Variants in AOPEP observed in about 807,000 individuals in gnomAD.
AOPEP encodes the protein aminopeptidase O.
A neutral mutation model predicts 98.1 loss-of-function variants in AOPEP; 77 were observed. The observed-to-expected ratio is 0.78, with a 90% CI of 0.65 to 0.95. AOPEP has a LOEUF of 0.95. Among genes scored for constraint, AOPEP ranks in the 40% least tolerant of loss-of-function variants. AOPEP has a pLI of 0.00. For missense variants in AOPEP, 1,024 were observed against 1,024.7 expected, an observed-to-expected ratio of 1.00 and a Z score of 0.01; for synonymous variants, 346 against 365.3, an observed-to-expected ratio of 0.95 and a Z score of 0.60.
In AOPEP at chr9:94,980,110, C is replaced by A. The variant is rs2060090348; in HGVS notation, c.1977+683C>A. 6.6e-6 allele frequency among the ~76,000 whole-genome samples: 1 copy of A among 152,242 alleles called. No homozygotes were observed. Among genetic ancestry groups the A allele is most frequent in the African/African-American group, 2.4e-5 (1 of 41,460 alleles). ...GCCAGCCCTAGCTCTGTGGAAATCA[C>A]CTGGCCTGGAGCTCCTCTCCCCGTC... On this transcript the variant is annotated intron_variant, in intron 11 of 16. Transcript: ENST00000375315. The surrounding 1 kb of genome is among the most constrained non-coding windows in gnomAD (Gnocchi z 4.3).
chr9:95,086,175 C>G, intron 16 of AOPEP: 5 of 1,323,860 alleles, frequency 3.8e-6, no homozygotes, highest in Non-Finnish European at 5.0e-6. Flanking sequence ...GACAGGCCCG[C>G]GTCCACCCTG....
chr9:94,959,353 C>A (rs775806400), intron 9 of AOPEP, among the ~76,000 whole-genome samples: 1 of 152,074 alleles, frequency 6.6e-6, no homozygotes, highest in Non-Finnish European at 1.5e-5. Flanking sequence ...TATGTTGTGA[C>A]GATTACAGTC....
intron 4 of AOPEP, among the ~76,000 whole-genome samples, chr9:94,793,621 G>A (rs1343538699): frequency 5.3e-5 from 8 of 151,580 alleles, no homozygotes; most frequent in Admixed American, 5.2e-4. Flanking sequence ...AGGTTGCAGT[G>A]AGCCAAGATT....
intron 11 of AOPEP, among the ~76,000 whole-genome samples, chr9:94,992,955 C>A (rs899454890): frequency 6.6e-6 from 1 of 152,164 alleles, no homozygotes; most frequent in Non-Finnish European, 1.5e-5. Context: ...TACAAAGTTA[C>A]ACTATCTGGG....
chr9:94,864,703 A>G (rs545234560), intron 5 of AOPEP, among the ~76,000 whole-genome samples: 1 of 152,314 alleles, frequency 6.6e-6, no homozygotes, highest in East Asian at 1.9e-4. Context: ...TGTAATTTAT[A>G]AAATACTTAG....
chr9:95,125,604 C>T, the AOPEP span, among the ~76,000 whole-genome samples: 1 of 152,188 alleles, frequency 6.6e-6, no homozygotes, highest in African/African-American at 2.4e-5. Context: ...CCTGGTTTCG[C>T]TTCCATGCAT....
At chr9:94,973,759 C>G (rs1240813184) in intron 10 of AOPEP, among the ~76,000 whole-genome samples, 2 of 152,170 alleles carry the variant, frequency 1.3e-5, no homozygotes, top group African/African-American at 2.4e-5. Context: ...ACTTTTAGCT[C>G]TCTGTATAAA....
intron 3 of AOPEP, among the ~76,000 whole-genome samples, chr9:94,787,921 G>A (rs570431607): frequency 6.6e-6 from 1 of 152,002 alleles, no homozygotes; most frequent in Admixed American, 6.6e-5. Flanking sequence ...ATGCTTTATT[G>A]TTCAGGGTTG....
intron 7 of AOPEP, among the ~76,000 whole-genome samples, chr9:94,941,641 A>T (rs1252431258): frequency 6.6e-6 from 1 of 152,200 alleles, no homozygotes; most frequent in Non-Finnish European, 1.5e-5. Flanking sequence ...TAAACAGCAA[A>T]GATGACAGAC....
intron 13 of AOPEP, among the ~76,000 whole-genome samples, chr9:95,031,135 T>G (rs905012544): frequency 2.6e-5 from 4 of 152,192 alleles, no homozygotes. Flanking sequence ...TGCAGTCACA[T>G]GCACCCCCAC....
rs149804937 is a variant in AOPEP at position 94,812,914 on chromosome 9, C to T, written c.1364+11912C>T. ...CTGAAGCACCAAATATAATTTAAAG[C>T]GTTTTATTGAGCCAAAGTGAGGATG... On this transcript the variant is annotated intron_variant, in intron 5 of 16. Transcript: ENST00000375315. 3.3e-5 allele frequency among the ~76,000 whole-genome samples: 5 copies of T among 152,082 alleles called. No individual in the cohort carries two copies. In the East Asian group the frequency reaches 9.7e-4, roughly 29 times the overall value.
intron 10 of AOPEP, among the ~76,000 whole-genome samples, chr9:94,977,755 C>T (rs1042933423): frequency 6.6e-6 from 1 of 152,206 alleles, no homozygotes; most frequent in Non-Finnish European, 1.5e-5. Flanking sequence ...ACAGGCCTTT[C>T]TGTGAGGTCT....
intron 5 of AOPEP, among the ~76,000 whole-genome samples, chr9:94,898,768 T>C (rs139691795): frequency 0.029 from 4,388 of 151,314 alleles, 169 homozygotes; most frequent in African/African-American, 0.084. Flanking sequence ...ACAGTGAAAC[T>C]GCGTCTCTAC....
intron 5 of AOPEP, 114 bp downstream of exon 5, chr9:94,801,116 T>C: frequency 2.4e-6 from 3 of 1,226,916 alleles, no homozygotes; most frequent in Non-Finnish European, 3.5e-6. Flanking sequence ...GGAGGGGCTA[T>C]GGTTGCTCAT....
chr9:94,905,804 T>G (rs2051059198), intron 5 of AOPEP, among the ~76,000 whole-genome samples: 2 of 151,768 alleles, frequency 1.3e-5, no homozygotes, highest in African/African-American at 4.8e-5. Flanking sequence ...CACTAACAAC[T>G]GCCAACACTC....
At chr9:95,091,751 C>A (rs192485526), downstream of AOPEP, among the ~76,000 whole-genome samples, 72 of 152,320 alleles carry the variant, frequency 4.7e-4, no homozygotes, top group East Asian at 0.011. Context: ...GATAGGCATT[C>A]CTGTTCCAGT....
In AOPEP at chr9:94,923,998, G is replaced by T; in HGVS notation, c.1377G>T (p.Met459Ile). 1 of 1,461,590 alleles carries T rather than the reference G, an allele frequency of 6.8e-7. No homozygotes were observed. Among genetic ancestry groups the T allele is most frequent in the Non-Finnish European group, 9.1e-7 (1 of 1,100,054 alleles). The allele number at this position is 1,461,590 out of a possible 1,614,324, so 90.5% of individuals were successfully genotyped here. A position where few individuals can be genotyped will look rare whatever the true frequency, so the allele number is the denominator to read the frequency against. The change falls in exon 6 of 17, where the codon ATG becomes ATT. Residue 459 changes from methionine (M) to isoleucine (I), a missense_variant. By Grantham distance (10) the Met-to-Ile change is conservative. Around this residue, in one of 3 missense-constraint regions of AOPEP, gnomAD observed 566 missense variants for 551.7 expected, o/e 1.03. Coordinates refer to ENST00000375315, the MANE Select transcript of AOPEP (RefSeq NM_001193329.3). ...PSLGMASPHI[M>I]FLSQSILTGG... The stretch of plus-strand genomic sequence containing the variant: ...CCATTATCCACAGCCCACACATCAT[G>T]TTCCTCTCTCAGAGCATCTTGACAG...
At chr9:94,743,084 A>G (rs1833529356) in intron 1 of AOPEP, among the ~76,000 whole-genome samples, 1 of 152,144 alleles carries the variant, frequency 6.6e-6, no homozygotes, top group Non-Finnish European at 1.5e-5. Context: ...GCATGTAAGA[A>G]GAGATGCAGG....
At chr9:95,075,371 G>A (rs1296082645) in intron 14 of AOPEP, among the ~76,000 whole-genome samples, 1 of 152,200 alleles carries the variant, frequency 6.6e-6, no homozygotes, top group Non-Finnish European at 1.5e-5. Flanking sequence ...TGAGAAGCCA[G>A]ATAACTGTAT....
Sources: allele counts gnomAD v4.1 joint callset (sites outside exome capture counted in the v4.1 genomes callset), GRCh38; gene constraint gnomAD v4.1.1; regional missense constraint gnomAD v4.1.1; non-coding constraint Gnocchi (gnomAD v3.1); transcripts MANE v1.5; gene names NCBI Gene and HGNC (gene_info 2026-07-23, HGNC 2026-07-21).